Variants in ROBO2 observed in about 807,000 individuals in gnomAD.
ROBO2 encodes roundabout guidance receptor 2, also known as roundabout homolog 2.
In ROBO2, 53 loss-of-function variants were observed where a neutral mutation model predicts 160.8. The observed-to-expected ratio is 0.33, with a 90% confidence interval of 0.26 to 0.41. The LOEUF (loss-of-function observed/expected upper bound fraction) is 0.41, where lower values mean the gene tolerates loss of function less well. Among genes scored for constraint, ROBO2 ranks in the 10% least tolerant of loss-of-function variants. ROBO2 has a pLI of 1.00. For synonymous variants in ROBO2, 664 were observed against 611.7 expected (o/e 1.09, Z -1.26); for missense variants, 1,577 against 1,722.4 (o/e 0.92, Z 1.49).
intron 2 of ROBO2, among the ~76,000 whole-genome samples, chr3:76,892,024 ACT>A (rs2074384862): frequency 1.3e-5 from 2 of 150,408 alleles, no homozygotes; most frequent in African/African-American, 5.0e-5. Flanking sequence ...TGGGAGTTAA[ACT>A]TCTCGTGGGA....
intron 2 of ROBO2, among the ~76,000 whole-genome samples, chr3:76,079,258 A>G (rs2068739590): frequency 6.6e-6 from 1 of 152,156 alleles, no homozygotes; most frequent in Non-Finnish European, 1.5e-5. Context: ...ATAGGTAACA[A>G]TCATTTATTG....
chr3:77,212,061 C>CT (rs1442094901), intron 2 of ROBO2, among the ~76,000 whole-genome samples: 5 of 152,112 alleles, frequency 3.3e-5, no homozygotes, highest in Admixed American at 3.3e-4. Flanking sequence ...ACTGCAGGCT[C>CT]TTTTTTGGTT....
intron 2 of ROBO2, among the ~76,000 whole-genome samples, chr3:76,079,459 T>A (rs1424026859): frequency 6.8e-6 from 1 of 148,130 alleles, no homozygotes; most frequent in Non-Finnish European, 1.5e-5. Flanking sequence ...GAAAATTTAT[T>A]TATTTATTTA....
intron 2 of ROBO2, among the ~76,000 whole-genome samples, chr3:76,717,129 T>C (rs993864923): frequency 6.6e-6 from 1 of 152,168 alleles, no homozygotes; most frequent in Non-Finnish European, 1.5e-5. Flanking sequence ...TACTCTGTTT[T>C]CATTCCTAAC....
At chr3:77,425,002 T>A (rs1275334429) in intron 2 of ROBO2, among the ~76,000 whole-genome samples, 1 of 152,120 alleles carries the variant, frequency 6.6e-6, no homozygotes. Context: ...ATAAATACCA[T>A]AGATAAAGAG....
chr3:76,392,254 G>T (rs2077191007), intron 2 of ROBO2, among the ~76,000 whole-genome samples: 1 of 152,076 alleles, frequency 6.6e-6, no homozygotes, highest in African/African-American at 2.4e-5. Context: ...GGATTATTTG[G>T]ATAACAATCT....
rs545192582 is a variant in ROBO2, at chr3:77,031,727, T to A, written c.110-66287T>A. Among the ~76,000 whole-genome samples, 6 of 147,512 alleles carry A rather than the reference T, an allele frequency of 4.1e-5. No homozygotes were observed. The East Asian group carries it at 1.2e-3, about 29-fold the overall frequency. ...TACATTATAATTATATTATTATATA[T>A]AATAAATATATATTAGATATGTAGT... On this transcript the variant is annotated intron_variant, in intron 2 of 26. Transcript: ENST00000487694.
chr3:77,372,654 T>C (rs1036820153), intron 2 of ROBO2, among the ~76,000 whole-genome samples: 3 of 152,140 alleles, frequency 2.0e-5, no homozygotes, highest in Admixed American at 2.0e-4. Flanking sequence ...AGTTGAAATA[T>C]TATCTGTGTT....
chr3:76,633,891 AC>A (rs2090168964), intron 2 of ROBO2, among the ~76,000 whole-genome samples: 1 of 99,780 alleles, frequency 1.0e-5, no homozygotes. Context: ...CTCACTGATA[AC>A]CCCAACAAGC....
intron 2 of ROBO2, among the ~76,000 whole-genome samples, chr3:77,100,621 T>G (rs1031206758): frequency 2.6e-5 from 4 of 152,028 alleles, no homozygotes; most frequent in Non-Finnish European, 5.9e-5. Flanking sequence ...AGTTTATTAA[T>G]AGAAGGCGGA....
At chr3:77,003,685 C>G (rs1231198549) in intron 2 of ROBO2, among the ~76,000 whole-genome samples, 1 of 152,030 alleles carries the variant, frequency 6.6e-6, no homozygotes, top group East Asian at 1.9e-4. Context: ...CTCAGCCTCC[C>G]ATTGCAAGCG....
intron 2 of ROBO2, among the ~76,000 whole-genome samples, chr3:77,237,806 G>C (rs1160710880): frequency 1.3e-5 from 2 of 152,122 alleles, no homozygotes; most frequent in Non-Finnish European, 2.9e-5. Context: ...GTTTTGAAAG[G>C]AACTGCCAGA....
chr3:77,172,295 A>G (rs2079714969), intron 2 of ROBO2, among the ~76,000 whole-genome samples: 1 of 152,230 alleles, frequency 6.6e-6, no homozygotes, highest in Non-Finnish European at 1.5e-5. Context: ...TGTAGAGATG[A>G]AAATAATTGG....
intron 2 of ROBO2, among the ~76,000 whole-genome samples, chr3:76,657,109 C>T (rs1301105276): frequency 2.6e-5 from 4 of 151,714 alleles, no homozygotes; most frequent in Admixed American, 6.6e-5. Flanking sequence ...TTATGTCTTT[C>T]TTTTTGATTT....
In ROBO2 at chr3:77,202,188, T is replaced by A. The variant is rs890512661; in HGVS notation, c.388+103848T>A. 7.2e-5 allele frequency among the ~76,000 whole-genome samples: 11 copies of A among 152,248 alleles called. No individual in the cohort carries two copies. The East Asian group carries it at 1.7e-3, about 24-fold the overall frequency. On this transcript the variant is annotated intron_variant, in intron 2 of 25. Coordinates refer to ENST00000461745, the Ensembl canonical transcript of ROBO2. ...AGCCATCCAACTGTGAAACTACTGG[T>A]CATTGAGTTTTTTCTGAGTTTTAAC...
chr3:76,843,982 T>C (rs1397528776), intron 2 of ROBO2, among the ~76,000 whole-genome samples: 2 of 152,048 alleles, frequency 1.3e-5, no homozygotes, highest in Non-Finnish European at 2.9e-5. Flanking sequence ...TTTTTAATCA[T>C]ATCATTATTA....
At chr3:76,897,861 A>T (rs2074928148) in intron 2 of ROBO2, among the ~76,000 whole-genome samples, 1 of 152,092 alleles carries the variant, frequency 6.6e-6, no homozygotes, top group Admixed American at 6.6e-5. Flanking sequence ...GTTGTTGTAT[A>T]TTTATGTACA....
At chr3:77,120,183 G>C (rs2074609614) in intron 2 of ROBO2, among the ~76,000 whole-genome samples, 1 of 152,180 alleles carries the variant, frequency 6.6e-6, no homozygotes, top group Non-Finnish European at 1.5e-5. Context: ...ATTTTAACGT[G>C]TAATAGACAT....
At chr3:77,507,964 GC>G (rs2153613339) in intron 5 of ROBO2, among the ~76,000 whole-genome samples, 1 of 152,056 alleles carries the variant, frequency 6.6e-6, no homozygotes, top group Non-Finnish European at 1.5e-5. Flanking sequence ...TGGAAAAATT[GC>G]CAAAAGAGTG....
Sources: allele counts gnomAD v4.1 joint callset (sites outside exome capture counted in the v4.1 genomes callset), GRCh38; gene constraint gnomAD v4.1.1; transcripts MANE v1.5; gene names NCBI Gene and HGNC (gene_info 2026-07-23, HGNC 2026-07-21).